Variants in EYA3 observed in about 807,000 individuals in gnomAD.
The protein encoded by EYA3 is EYA transcriptional coactivator and phosphatase 3, also known as protein phosphatase EYA3.
In EYA3, 39 loss-of-function variants were observed where a neutral mutation model predicts 80.0. The ratio of observed to expected loss-of-function variants is 0.49; its 90% CI spans 0.38 to 0.64. The LOEUF is 0.64. Ranked by LOEUF, EYA3 falls within the 30% of genes least tolerant of loss-of-function variation. The pLI, the probability that EYA3 is intolerant of heterozygous loss-of-function variation, is 0.00. For synonymous variants in EYA3, 206 were observed against 232.8 expected (o/e 0.88, Z 1.05); for missense variants, 523 against 676.1 (o/e 0.77, Z 2.51).
intron 2 of EYA3, among the ~76,000 whole-genome samples, chr1:28,050,233 C>A (rs1307770043): frequency 1.3e-5 from 2 of 150,086 alleles, no homozygotes; most frequent in Admixed American, 1.3e-4. Flanking sequence ...TGTTCTGTCA[C>A]CCAGGCTGGA....
intron 4 of EYA3, among the ~76,000 whole-genome samples, chr1:28,042,319 C>G (rs950822492): frequency 6.6e-6 from 1 of 152,016 alleles, no homozygotes; most frequent in Admixed American, 6.5e-5. Context: ...TTAAAACATC[C>G]AATCTCAAAA....
chr1:28,066,228 G>C (rs942614531), intron 1 of EYA3, among the ~76,000 whole-genome samples: 1 of 152,078 alleles, frequency 6.6e-6, no homozygotes, highest in Non-Finnish European at 1.5e-5. Flanking sequence ...TTAAACTGAT[G>C]AATTATTTGC....
Position 28,017,193 on chromosome 1 carries a change from G to C in EYA3, c.546C>G (p.Ala182=), listed in dbSNP as rs763469799. ...TGGCTACTGCTGCTGCTGGAATATTGGCAATTGTAGAAGAAGTAGATATCA... is the reference window on the plus strand; with the variant it reads ...TGGCTACTGCTGCTGCTGGAATATTCGCAATTGTAGAAGAAGTAGATATCA... The part of the protein sequence containing the change: ...ASLISTSSTI[A]NIPAAAVASI... The change falls in exon 8 of 18, where the codon GCC becomes GCG. Residue 182 remains alanine, a synonymous_variant. Coordinates refer to ENST00000373871, the MANE Select transcript of EYA3 (RefSeq NM_001990.4). The C allele has an allele frequency of 5.0e-6, 8 of 1,613,754 alleles. No homozygotes were observed. In the South Asian group the frequency reaches 8.8e-5, roughly 18 times the overall value.
intron 9 of EYA3, 152 bp downstream of exon 9, chr1:28,012,959 C>T: frequency 6.7e-6 from 5 of 750,556 alleles, no homozygotes; most frequent in Non-Finnish European, 1.1e-5. Flanking sequence ...CAATGACTCA[C>T]AGCCTGCTTC....
chr1:28,036,106 C>T lies in EYA3; in HGVS notation c.225-426G>A, dbSNP rs140853885. On this transcript the variant is annotated intron_variant, in intron 5 of 17. Transcript: ENST00000373871. ...CTGGGATTACAGGCGTGAGCCACTGCGCCCGGCCTAAAATGGCTCTTATGA... is the reference window on the plus strand; with the variant it reads ...CTGGGATTACAGGCGTGAGCCACTGTGCCCGGCCTAAAATGGCTCTTATGA... Among the ~76,000 whole-genome samples the T allele has an allele frequency of 4.6e-3, 706 of 152,324 alleles. 5 individuals carry two copies. The highest frequency in any genetic ancestry group is 0.016 in the African/African-American group (673 of 41,576).
intron 1 of EYA3, among the ~76,000 whole-genome samples, chr1:28,069,870 G>T (rs936215447): frequency 4.7e-4 from 71 of 152,336 alleles, no homozygotes; most frequent in Middle Eastern, 3.4e-3. Flanking sequence ...CCTTATAAGA[G>T]AAAAGCAGAC....
At chr1:28,047,396 A>G (rs1644051816) in intron 3 of EYA3, among the ~76,000 whole-genome samples, 1 of 152,148 alleles carries the variant, frequency 6.6e-6, no homozygotes, top group Non-Finnish European at 1.5e-5. Context: ...AAAAGATGAC[A>G]GATGATTTAA....
chr1:28,069,958 C>T (rs758094938), intron 1 of EYA3, among the ~76,000 whole-genome samples: 1 of 152,134 alleles, frequency 6.6e-6, no homozygotes, highest in African/African-American at 2.4e-5. Flanking sequence ...GGAATGTCAG[C>T]AGCCACCAGA....
chr1:28,052,424 A>G (rs1354764212), intron 2 of EYA3, among the ~76,000 whole-genome samples: 1 of 152,204 alleles, frequency 6.6e-6, no homozygotes, highest in Admixed American at 6.5e-5. Context: ...AGACCTCTAC[A>G]TTTGTTGGGT....
intron 10 of EYA3, among the ~76,000 whole-genome samples, chr1:28,007,337 C>CTT (rs776771608): frequency 6.1e-5 from 8 of 131,656 alleles, no homozygotes; most frequent in African/African-American, 8.3e-5. Flanking sequence ...TTCTTTCTTT[C>CTT]TTTTTTTTTT....
chr1:27,983,812 C>T (rs531939808), intron 16 of EYA3, among the ~76,000 whole-genome samples: 13 of 152,286 alleles, frequency 8.5e-5, no homozygotes, highest in African/African-American at 2.6e-4. Context: ...TGTGCCACCA[C>T]GCCCAGCTAA....
In EYA3 at chr1:28,011,062, A is replaced by AG. The variant is rs781624824; in HGVS notation, c.793_794insC (p.Leu265SerfsTer8). 5.0e-6 allele frequency: 8 copies of AG among 1,613,448 alleles called. 1 individual carries two copies. In the Admixed American group the frequency reaches 1.3e-4, roughly 27 times the overall value. On this transcript the variant is annotated frameshift_variant, in exon 10 of 18. Transcript: ENST00000373871. LOFTEE classifies it high-confidence loss of function. ...ATCTTTACTTGGTGTAGTCTGGGAC[A>AG]AAGATGGACTTGTAGAAGGGTCTCC...
In EYA3 at chr1:27,971,069, C is replaced by A. The variant is rs887963809; in HGVS notation, c.*3397G>T. The A allele has an allele frequency of 6.6e-6, 1 of 152,242 alleles. No individual in the cohort carries two copies. The highest frequency in any genetic ancestry group is 1.5e-5 in the Non-Finnish European group (1 of 68,046). The allele number at this position is 152,242 out of a possible 1,614,324, so 9.4% of individuals were successfully genotyped here. ...GACAACTCACTAGCTTTACAGAAGA[C>A]AGGAACGCCGCAAATCAAACAAAAG... On this transcript the variant is annotated 3_prime_UTR_variant, in exon 18 of 18. Transcript: ENST00000373871.
chr1:28,049,995 AAC>A (rs1271741720), intron 2 of EYA3, among the ~76,000 whole-genome samples: 1 of 152,048 alleles, frequency 6.6e-6, no homozygotes, highest in Admixed American at 6.6e-5. Context: ...GAGTAACCAA[AAC>A]AGTCTATACT....
Position 28,011,007 on chromosome 1 carries a change from A to T in EYA3, c.849T>A (p.Thr283=), listed in dbSNP as rs371884788. The T allele has an allele frequency of 9.9e-6, 16 of 1,614,108 alleles. No homozygotes were observed. Among genetic ancestry groups the T allele is most frequent in the Non-Finnish European group, 1.4e-5 (16 of 1,179,992 alleles). The part of the protein sequence containing the change: ...DTDDQSRKNM[T]SKNRGKRKAD... ...CTTTCCTCTTGCCCCGGTTCTTGCT[A>T]GTCATGTTTTTCCTGGACTGATCAT... Residue 283 remains threonine, a synonymous_variant, in exon 10 of 18, where the codon ACT becomes ACA. Transcript: ENST00000373871.
At chr1:28,027,672 A>G in intron 7 of EYA3, 117 bp downstream of exon 7, 2 of 1,323,556 alleles carry the variant, frequency 1.5e-6, no homozygotes, top group Non-Finnish European at 1.1e-6. Flanking sequence ...CCCCCTTTCT[A>G]CTTTAGAAGA....
intron 1 of EYA3, among the ~76,000 whole-genome samples, chr1:28,061,891 G>A (rs937515464): frequency 2.7e-5 from 4 of 148,476 alleles, no homozygotes; most frequent in Non-Finnish European, 6.0e-5. Context: ...GAGCCACCGC[G>A]CCCGGTCAAC....
At chr1:28,016,631 T>C (rs1642090743) in intron 8 of EYA3, among the ~76,000 whole-genome samples, 2 of 151,926 alleles carry the variant, frequency 1.3e-5, no homozygotes, top group South Asian at 4.1e-4. Context: ...TGATGATAAT[T>C]GCTGTAGAGA....
chr1:28,085,623 A>G (rs1465214902), intron 1 of EYA3, among the ~76,000 whole-genome samples: 1 of 152,268 alleles, frequency 6.6e-6, no homozygotes, highest in Non-Finnish European at 1.5e-5. Context: ...AAACTTGGTA[A>G]GCCTAAAACT....
Sources: gnomAD v4.1 joint callset for allele counts (sites outside exome capture counted in the v4.1 genomes callset) on GRCh38, gnomAD v4.1.1 for gene constraint, MANE v1.5 for transcripts, NCBI Gene and HGNC (gene_info 2026-07-23, HGNC 2026-07-21) for gene names.